The following MRRF variants were observed in gnomAD, a reference collection of about 807,000 sequenced individuals.
The protein encoded by MRRF is ribosome-recycling factor, mitochondrial.
A neutral mutation model predicts 25.1 loss-of-function variants in MRRF; 18 were observed. That is an observed-to-expected ratio of 0.72 (90% CI 0.50 to 1.06). The LOEUF is 1.06. Ranked by LOEUF, MRRF falls within the 50% of genes least tolerant of loss-of-function variation. The pLI is 0.00. For synonymous variants in MRRF, 113 were observed against 112.1 expected, an observed-to-expected ratio of 1.01 and a Z score of -0.05; for missense variants, 323 against 319.3, an observed-to-expected ratio of 1.01 and a Z score of -0.09.
chr9:122,299,105 T>C (rs1834275258), intron 5 of MRRF, among the ~76,000 whole-genome samples: 1 of 151,602 alleles, frequency 6.6e-6, no homozygotes, highest in African/African-American at 2.4e-5. Flanking sequence ...AAATAGAAGA[T>C]GAGGGCCAGG....
Position 122,322,722 on chromosome 9 carries a change from C to G in MRRF, c.*105C>G. The G allele has an allele frequency of 1.0e-6, 1 of 994,452 alleles. No homozygotes were observed. The highest frequency in any genetic ancestry group is 2.5e-5 in the East Asian group (1 of 39,550). 61.6% of individuals were successfully genotyped at this position (994,452 alleles called of 1,614,324 possible). A position where few individuals can be genotyped will look rare whatever the true frequency, so the allele number is the denominator to read the frequency against. On this transcript the variant is annotated 3_prime_UTR_variant, in exon 7 of 7. Transcript: ENST00000344641. ...CCCCCATCTACACAGAAGACTGTCACCATGCTGACAGAAGCCTGTCCTTGT... is the reference window on the plus strand; with the variant it reads ...CCCCCATCTACACAGAAGACTGTCAGCATGCTGACAGAAGCCTGTCCTTGT...
intron 5 of MRRF, among the ~76,000 whole-genome samples, chr9:122,294,328 C>T (rs890733696): frequency 5.8e-4 from 88 of 152,266 alleles, no homozygotes; most frequent in Non-Finnish European, 1.6e-4. Context: ...TCTGCAGCCC[C>T]GCAAGAGTAA....
chr9:122,284,044 A>G (rs1833237181), intron 3 of MRRF, among the ~76,000 whole-genome samples: 1 of 151,998 alleles, frequency 6.6e-6, no homozygotes, highest in African/African-American at 2.4e-5. Context: ...TAAGTACCAA[A>G]ATGAAGGGTC....
intron 2 of MRRF, among the ~76,000 whole-genome samples, chr9:122,275,138 A>G (rs1353122991): frequency 2.0e-5 from 3 of 151,876 alleles, no homozygotes; most frequent in Admixed American, 1.3e-4. Context: ...TGTCTTAGCA[A>G]AAAATCCAGA....
chr9:122,286,079 G>A (rs568206884), intron 4 of MRRF: 96 of 1,278,578 alleles, frequency 7.5e-5, no homozygotes, highest in South Asian at 4.8e-4. Context: ...CCTGGAATCC[G>A]GTCCCATCTC....
At chr9:122,320,781 A>G (rs1835848460) in intron 6 of MRRF, among the ~76,000 whole-genome samples, 1 of 152,190 alleles carries the variant, frequency 6.6e-6, no homozygotes, top group Non-Finnish European at 1.5e-5. Flanking sequence ...TTTAGTTCTC[A>G]ATTCCTAGCC....
chr9:122,291,871 T>C, intron 5 of MRRF, 31 bp downstream of exon 5: 1 of 1,492,850 alleles, frequency 6.7e-7, no homozygotes, highest in Non-Finnish European at 9.4e-7. Context: ...CATATTTTGA[T>C]GAAACGGGGT....
intron 6 of MRRF, among the ~76,000 whole-genome samples, chr9:122,316,249 C>G (rs1195977418): frequency 6.6e-6 from 1 of 151,938 alleles, no homozygotes; most frequent in Non-Finnish European, 1.5e-5. Flanking sequence ...AATCTTGGCT[C>G]ACTGCAACCT....
Position 122,285,286 on chromosome 9 carries a change from A to G in MRRF, c.458A>G (p.Glu153Gly), listed in dbSNP as rs1300226468. The change falls in exon 4 of 7, where the codon GAG becomes GGG. Residue 153 changes from glutamate (E) to glycine (G), a missense_variant and splice_region_variant. Transcript: ENST00000344641. ...TTGGTGAATATGGCCAGCTTCCCAG[A>G]GGTAAGATGGCCTTGCTAAAATCTC... ...LILVNMASFPECTAAAIKAIR... is the reference protein window; with the variant it reads ...LILVNMASFPGCTAAAIKAIR... The G allele has an allele frequency of 6.3e-6, 10 of 1,577,268 alleles. No individual in the cohort carries two copies. Among genetic ancestry groups the G allele is most frequent in the Non-Finnish European group, 7.8e-6 (9 of 1,146,566 alleles).
In MRRF at chr9:122,313,346, A is replaced by AT; in HGVS notation, c.672dup (p.Thr225TyrfsTer8). The AT allele has an allele frequency of 6.2e-7, 1 of 1,614,144 alleles. No homozygotes were observed. Among genetic ancestry groups the AT allele is most frequent in the East Asian group, 2.2e-5 (1 of 44,890 alleles). On this transcript the variant is annotated frameshift_variant, in exon 6 of 7. Coordinates refer to ENST00000344641, the MANE Select transcript of MRRF (RefSeq NM_138777.5). LOFTEE classifies it high-confidence loss of function. The stretch of plus-strand genomic sequence containing the variant: ...ATGAACAAGCTGAAGAAATCCAAGG[A>AT]TACAGTCTCAGAGGACACCATTAGG...
chr9:122,272,155 G>C (rs1348345806), intron 2 of MRRF, among the ~76,000 whole-genome samples: 2 of 152,126 alleles, frequency 1.3e-5, no homozygotes, highest in Non-Finnish European at 2.9e-5. Context: ...TAATTATCTA[G>C]TTAATCCAGA....
rs571443251 is a variant in MRRF at position 122,325,122 on chromosome 9, T to C, written c.*2505T>C. 6.6e-6 allele frequency: 1 copy of C among 152,350 alleles called. No individual in the cohort carries two copies. The highest frequency in any genetic ancestry group is 6.5e-5 in the Admixed American group (1 of 15,298). 9.4% of individuals were successfully genotyped at this position (152,350 alleles called of 1,614,324 possible). A position where few individuals can be genotyped will look rare whatever the true frequency, so the allele number is the denominator to read the frequency against. ...ATTCCACTCCAAAGGCATTTGGTTC[T>C]TAACAGCCAAATCCTCTGTAGTCTT... On this transcript the variant is annotated 3_prime_UTR_variant, in exon 7 of 7. Transcript: ENST00000344641.
In MRRF at chr9:122,270,254, C is replaced by T. The variant is rs147310978; in HGVS notation, c.-28-610C>T. On this transcript the variant is annotated intron_variant, in intron 1 of 6. Coordinates refer to ENST00000344641, the MANE Select transcript of MRRF (RefSeq NM_138777.5). ...GGTCAAAGACCTCAGATGTAGAATG[C>T]GTAACTTGTGTTAACACAGGAGAGG... is the stretch of plus-strand genomic sequence containing the variant. Among the ~76,000 whole-genome samples, 958 of 152,248 alleles carry T rather than the reference C, an allele frequency of 6.3e-3. 8 individuals carry two copies. The highest frequency in any genetic ancestry group is 0.011 in the Non-Finnish European group (718 of 68,020).
chr9:122,289,830 C>A (rs1032817564), intron 4 of MRRF, among the ~76,000 whole-genome samples: 7 of 151,660 alleles, frequency 4.6e-5, no homozygotes, highest in African/African-American at 1.5e-4. Context: ...GAGTTTGAGA[C>A]CAGCTTGGGC....
At chr9:122,280,300 C>G in intron 2 of MRRF, 143 bp from the exon 3 acceptor site, 1 of 867,942 alleles carries the variant, frequency 1.2e-6, no homozygotes. Flanking sequence ...TTAATATAGG[C>G]TCTTTTTTAG....
At position 122,270,947 on chromosome 9, in the gene MRRF, T is replaced by C; in HGVS notation, c.56T>C (p.Leu19Pro). ...GTCCACCCTACCTTTCGCAATTATC[T>C]TGCAGCCTCTATCAGACCCGTTTCA... ...RMVHPTFRNY[L>P]AASIRPVSEV... Residue 19 changes from leucine to proline, a missense_variant, in exon 2 of 7, where the codon CTT becomes CCT. Transcript: ENST00000344641. 1 of 1,614,212 alleles carries C rather than the reference T, an allele frequency of 6.2e-7. No homozygotes were observed. Among genetic ancestry groups the C allele is most frequent in the South Asian group, 1.1e-5 (1 of 91,090 alleles).
rs1836271761 is a variant in MRRF at position 122,331,107 on chromosome 9, G to T, written c.*8490G>T. 1 of 152,166 alleles carries T rather than the reference G, an allele frequency of 6.6e-6. No homozygotes were observed. The highest frequency in any genetic ancestry group is 2.1e-4 in the South Asian group (1 of 4,824). The allele number at this position is 152,166 out of a possible 1,614,324, so 9.4% of individuals were successfully genotyped here. On this transcript the variant is annotated 3_prime_UTR_variant, in exon 7 of 7. Coordinates refer to ENST00000344641, the MANE Select transcript of MRRF (RefSeq NM_138777.5). ...TTGCCCTTTCTTCCCTCAAAAAAAG[G>T]TCTCTCCACTTCTCTGTGGGAAAGG... is the stretch of plus-strand genomic sequence containing the variant.
chr9:122,269,527 C>A (rs1266543497), intron 1 of MRRF, among the ~76,000 whole-genome samples: 1 of 152,040 alleles, frequency 6.6e-6, no homozygotes, highest in East Asian at 1.9e-4. Context: ...GAGTTCAAGA[C>A]CAGCCTGGGC....
At chr9:122,303,528 A>G (rs944658528) in intron 5 of MRRF, among the ~76,000 whole-genome samples, 5 of 151,874 alleles carry the variant, frequency 3.3e-5, no homozygotes, top group African/African-American at 1.2e-4. Context: ...TACAGGCATG[A>G]GCCACCAAGC....
Sources: allele counts gnomAD v4.1 joint callset (sites outside exome capture counted in the v4.1 genomes callset), GRCh38; gene constraint gnomAD v4.1.1; transcripts MANE v1.5; gene names NCBI Gene and HGNC (gene_info 2026-07-23, HGNC 2026-07-21).